VWA8: variants seen among roughly 807,000 people sequenced by gnomAD.
VWA8 encodes the protein von Willebrand factor A domain-containing protein 8.
VWA8 carries 221 observed loss-of-function variants against 241.5 expected under a neutral mutation model. The ratio of observed to expected loss-of-function variants is 0.91; its 90% CI spans 0.82 to 1.02. The LOEUF is 1.02. Among genes scored for constraint, VWA8 ranks in the 50% least tolerant of loss-of-function variants. The pLI is 0.00. For missense variants in VWA8, 2,322 were observed against 2,328.7 expected (o/e 1.00, Z 0.06); for synonymous variants, 852 against 827.1 (o/e 1.03, Z -0.52).
At chr13:41,711,540 G>A (rs1202618234) in intron 26 of VWA8, among the ~76,000 whole-genome samples, 2 of 152,288 alleles carry the variant, frequency 1.3e-5, no homozygotes, top group Non-Finnish European at 2.9e-5. Context: ...ATTAATGATC[G>A]TAATTTTGAA....
At chr13:41,864,610 T>G (rs1414291380) in intron 12 of VWA8, 1 of 443,328 alleles carries the variant, frequency 2.3e-6, no homozygotes, top group Non-Finnish European at 4.5e-6. Flanking sequence ...TCCATTTATA[T>G]GAGGTACCTA....
intron 12 of VWA8, among the ~76,000 whole-genome samples, chr13:41,845,404 T>C (rs575258067): frequency 1.3e-5 from 2 of 152,232 alleles, no homozygotes; most frequent in Admixed American, 6.5e-5. Context: ...TGGAAAGCAG[T>C]TTGAAGATTT....
At chr13:41,883,549 A>G in intron 8 of VWA8, 58 bp from the exon 9 acceptor site, 2 of 1,294,226 alleles carry the variant, frequency 1.5e-6, no homozygotes, top group East Asian at 4.7e-5. Flanking sequence ...CACAGAAAAC[A>G]TCTGAAATGT....
intron 10 of VWA8, among the ~76,000 whole-genome samples, chr13:41,867,833 A>G (rs1281016599): frequency 6.6e-6 from 1 of 152,176 alleles, no homozygotes; most frequent in African/African-American, 2.4e-5. Flanking sequence ...TGGGCAATAT[A>G]GTAAGACTCC....
At chr13:41,793,941 G>T (rs1020256617) in intron 17 of VWA8, among the ~76,000 whole-genome samples, 6 of 152,194 alleles carry the variant, frequency 3.9e-5, no homozygotes, top group African/African-American at 1.4e-4. Context: ...AAGATCAGGT[G>T]GTTGTAGATG....
At chr13:41,871,708 T>C (rs1423588137) in intron 9 of VWA8, among the ~76,000 whole-genome samples, 3 of 152,284 alleles carry the variant, frequency 2.0e-5, no homozygotes, top group Middle Eastern at 3.4e-3. Flanking sequence ...TCTATCGTTG[T>C]TGGACATTTG....
intron 21 of VWA8, among the ~76,000 whole-genome samples, chr13:41,740,504 A>G (rs968174470): frequency 4.6e-5 from 7 of 152,210 alleles, no homozygotes; most frequent in African/African-American, 1.7e-4. Context: ...CAGCATCCGC[A>G]TGCATTTTTC....
At chr13:41,887,974 G>A (rs1450138515) in intron 5 of VWA8, among the ~76,000 whole-genome samples, 1 of 152,198 alleles carries the variant, frequency 6.6e-6, no homozygotes, top group African/African-American at 2.4e-5. Context: ...ATACAGTGGA[G>A]CTTAGAGAAT....
intron 10 of VWA8, among the ~76,000 whole-genome samples, chr13:41,866,358 A>ATAT (rs1051112742): frequency 4.8e-5 from 7 of 145,922 alleles, no homozygotes; most frequent in African/African-American, 1.0e-4. Flanking sequence ...CAAAAAAAAA[A>ATAT]ATATATATAT....
In VWA8 at chr13:41,711,848, T is replaced by C. The variant is rs557415335; in HGVS notation, c.3116+7743A>G. Among the ~76,000 whole-genome samples, 135 of 151,760 alleles carry C rather than the reference T, an allele frequency of 8.9e-4. 1 individual carries two copies. Among genetic ancestry groups the C allele is most frequent in the Admixed American group, 3.3e-3 (50 of 15,256 alleles). On this transcript the variant is annotated intron_variant, in intron 26 of 44. Transcript: ENST00000379310. ...GAGATCATGCCACTGCACTCCAGCC[T>C]GGGCGACAGAGCGAGACTCTGTCTC...
chr13:41,568,403 A>C, intron 44 of VWA8, 98 bp from the exon 45 acceptor site: 1 of 927,716 alleles, frequency 1.1e-6, no homozygotes, highest in Non-Finnish European at 1.7e-6. Flanking sequence ...GTTTCTTAGG[A>C]AAGGAAGTTT....
At chr13:41,576,879 T>C (rs1409742589) in intron 42 of VWA8, among the ~76,000 whole-genome samples, 1 of 152,240 alleles carries the variant, frequency 6.6e-6, no homozygotes, top group Non-Finnish European at 1.5e-5. Context: ...ACCCTTCTCT[T>C]TTCATAGTTG....
intron 21 of VWA8, among the ~76,000 whole-genome samples, chr13:41,735,997 C>G (rs1336093767): frequency 1.3e-5 from 2 of 152,032 alleles, no homozygotes; most frequent in African/African-American, 4.8e-5. Context: ...CAACTTCAAT[C>G]CTCTTGTGAA....
At chr13:41,865,062 A>C (rs1873225535) in intron 12 of VWA8, among the ~76,000 whole-genome samples, 1 of 152,024 alleles carries the variant, frequency 6.6e-6, no homozygotes, top group Non-Finnish European at 1.5e-5. Flanking sequence ...TTTAAAAAAT[A>C]ATCTATTCAG....
intron 40 of VWA8, 53 bp downstream of exon 40, chr13:41,605,114 AT>A: frequency 6.4e-7 from 1 of 1,551,666 alleles, no homozygotes; most frequent in Non-Finnish European, 8.9e-7. Context: ...GACTTTAGGA[AT>A]GTGTCCAGGT....
At chr13:41,679,079 G>A (rs1014603124) in intron 35 of VWA8, among the ~76,000 whole-genome samples, 3 of 152,106 alleles carry the variant, frequency 2.0e-5, no homozygotes, top group South Asian at 2.1e-4. Context: ...CATTTTAAAC[G>A]TTTTAACACT....
At chr13:41,813,314 C>T (rs573169650) in intron 16 of VWA8, among the ~76,000 whole-genome samples, 21 of 152,206 alleles carry the variant, frequency 1.4e-4, no homozygotes, top group Middle Eastern at 3.4e-3. Context: ...AAAAGTCCTA[C>T]AGTAAGGTTA....
intron 14 of VWA8, among the ~76,000 whole-genome samples, chr13:41,828,881 C>T (rs1436929819): frequency 2.6e-5 from 4 of 151,218 alleles, no homozygotes; most frequent in Non-Finnish European, 4.4e-5. Context: ...TATTTTGTTT[C>T]CTCCTCCAGG....
chr13:41,666,646 A>C (rs1046278577), intron 37 of VWA8, among the ~76,000 whole-genome samples: 1 of 152,184 alleles, frequency 6.6e-6, no homozygotes, highest in Non-Finnish European at 1.5e-5. Context: ...CCCAGTCTCC[A>C]TGAGAACTAG....
Sources: allele counts gnomAD v4.1 joint callset (sites outside exome capture counted in the v4.1 genomes callset), GRCh38; gene constraint gnomAD v4.1.1; transcripts MANE v1.5; gene names NCBI Gene and HGNC (gene_info 2026-07-23, HGNC 2026-07-21).